Variants in SPAG16 observed in about 807,000 individuals in gnomAD.
SPAG16 encodes the protein sperm associated antigen 16, also known as sperm-associated antigen 16 protein.
Under a neutral mutation model 80.4 loss-of-function variants are expected in SPAG16, and 86 were observed. The observed-to-expected ratio is 1.07, with a 90% CI of 0.90 to 1.28. The LOEUF is 1.28. Among genes scored for constraint, SPAG16 ranks in the 50% most tolerant of loss-of-function variants. SPAG16 has a pLI of 0.00. For missense variants in SPAG16, 870 were observed against 765.3 expected (o/e 1.14, Z -1.61); for synonymous variants, 294 against 265.9 (o/e 1.11, Z -1.03).
intron 5 of SPAG16, among the ~76,000 whole-genome samples, chr2:213,320,346 A>G (rs911550523): frequency 5.9e-5 from 9 of 152,038 alleles, no homozygotes; most frequent in Non-Finnish European, 2.9e-5. Context: ...TACAATGTGT[A>G]GTAATCAAAT....
intron 15 of SPAG16, among the ~76,000 whole-genome samples, chr2:214,191,727 G>A (rs140893897): frequency 0.048 from 5,360 of 112,672 alleles, 1 homozygote; most frequent in Non-Finnish European, 0.06. Context: ...AAAAAAAAAA[G>A]AAAAAAAAAA....
chr2:214,393,452 T>A (rs77783517), intron 15 of SPAG16, among the ~76,000 whole-genome samples: 1 of 152,032 alleles, frequency 6.6e-6, no homozygotes, highest in Admixed American at 6.6e-5. Flanking sequence ...AGGCAAGATA[T>A]TTATTTAAGT....
intron 12 of SPAG16, among the ~76,000 whole-genome samples, chr2:213,987,480 A>G (rs894696339): frequency 6.6e-6 from 1 of 152,090 alleles, no homozygotes; most frequent in Non-Finnish European, 1.5e-5. Flanking sequence ...CAAGTTTGAC[A>G]AATTAAGTTA....
intron 10 of SPAG16, among the ~76,000 whole-genome samples, chr2:213,692,221 A>T (rs1422053485): frequency 6.6e-6 from 1 of 152,354 alleles, no homozygotes; most frequent in East Asian, 1.9e-4. Context: ...TCACTCAAAA[A>T]TAATAATTTA....
At chr2:214,203,521 C>T (rs577625185) in intron 15 of SPAG16, among the ~76,000 whole-genome samples, 3 of 152,294 alleles carry the variant, frequency 2.0e-5, no homozygotes, top group South Asian at 2.1e-4. Flanking sequence ...GGGGGATCAT[C>T]GGCCTGAACA....
intron 12 of SPAG16, among the ~76,000 whole-genome samples, chr2:213,938,266 A>G (rs1384852640): frequency 6.6e-6 from 1 of 152,046 alleles, no homozygotes; most frequent in Non-Finnish European, 1.5e-5. Flanking sequence ...CTGATGACTA[A>G]AAGGGTTTAG....
At chr2:214,218,646 G>C (rs942960931) in intron 15 of SPAG16, among the ~76,000 whole-genome samples, 2 of 152,136 alleles carry the variant, frequency 1.3e-5, no homozygotes, top group African/African-American at 2.4e-5. Flanking sequence ...GAGGAGAGTG[G>C]GGAATGTGAT....
chr2:214,106,644 A>G (rs369424108), intron 13 of SPAG16, among the ~76,000 whole-genome samples: 11 of 152,170 alleles, frequency 7.2e-5, no homozygotes, highest in African/African-American at 2.7e-4. Context: ...TGAATGGCCA[A>G]TAACAGTGAG....
intron 7 of SPAG16, among the ~76,000 whole-genome samples, chr2:213,352,941 T>C (rs1411680509): frequency 1.3e-5 from 2 of 152,216 alleles, no homozygotes; most frequent in East Asian, 1.9e-4. Flanking sequence ...TTGAATATTA[T>C]ATTAACTGAA....
chr2:213,662,871 C>T (rs7591624), intron 10 of SPAG16, among the ~76,000 whole-genome samples: 59,680 of 151,798 alleles, frequency 0.39, 12,340 homozygotes, highest in African/African-American at 0.51. Flanking sequence ...AAATACTTTG[C>T]ATTTGACAAA....
intron 9 of SPAG16, among the ~76,000 whole-genome samples, chr2:213,439,986 A>T (rs1469772219): frequency 1.3e-5 from 2 of 152,222 alleles, no homozygotes; most frequent in African/African-American, 4.8e-5. Context: ...AGGACATAAA[A>T]TTTTATAAAT....
chr2:213,315,133 T>C (rs1159655853), intron 4 of SPAG16, among the ~76,000 whole-genome samples: 1 of 152,006 alleles, frequency 6.6e-6, no homozygotes, highest in Non-Finnish European at 1.5e-5. Context: ...TTAATAACCT[T>C]ATTACTTGAA....
intron 15 of SPAG16, among the ~76,000 whole-genome samples, chr2:214,177,969 A>ATGTGTG (rs201966471): frequency 1.3e-5 from 1 of 75,202 alleles, no homozygotes; most frequent in African/African-American, 8.7e-5. Flanking sequence ...CACAAAGTGT[A>ATGTGTG]TGTATATATA....
At chr2:213,617,900 C>G (rs1281516108) in intron 10 of SPAG16, among the ~76,000 whole-genome samples, 1 of 152,136 alleles carries the variant, frequency 6.6e-6, no homozygotes, top group Non-Finnish European at 1.5e-5. Context: ...GAGGCCTCAG[C>G]TCAGCCTATC....
intron 13 of SPAG16, among the ~76,000 whole-genome samples, chr2:214,043,661 A>G (rs1031548020): frequency 1.3e-5 from 2 of 152,186 alleles, no homozygotes; most frequent in African/African-American, 4.8e-5. Context: ...GTCTATCTGT[A>G]TATAAATAGC....
chr2:214,125,954 C>A (rs767650999), intron 14 of SPAG16, among the ~76,000 whole-genome samples: 1 of 148,174 alleles, frequency 6.7e-6, no homozygotes, highest in Non-Finnish European at 1.5e-5. Context: ...GGTAATAGAC[C>A]GAGGGAAGAA....
At chr2:213,686,636 T>C (rs1326952094) in intron 10 of SPAG16, among the ~76,000 whole-genome samples, 2 of 151,386 alleles carry the variant, frequency 1.3e-5, no homozygotes, top group Non-Finnish European at 3.0e-5. Context: ...TTCACTTACA[T>C]TTAATGTGAC....
At chr2:213,617,498 T>A (rs184097705) in intron 10 of SPAG16, among the ~76,000 whole-genome samples, 46 of 152,250 alleles carry the variant, frequency 3.0e-4, no homozygotes, top group South Asian at 1.5e-3. Flanking sequence ...CCCACCACCA[T>A]GTTCAGCTAG....
chr2:213,943,390 C>G (rs1452453485), intron 12 of SPAG16, among the ~76,000 whole-genome samples: 1 of 152,026 alleles, frequency 6.6e-6, no homozygotes, highest in South Asian at 2.1e-4. Flanking sequence ...AGGTCTCTTT[C>G]TTATTAGAGA....
Sources: gnomAD v4.1 joint callset for allele counts (sites outside exome capture counted in the v4.1 genomes callset) on GRCh38, gnomAD v4.1.1 for gene constraint, MANE v1.5 for transcripts, NCBI Gene and HGNC (gene_info 2026-07-23, HGNC 2026-07-21) for gene names.